Variants in DENND1B observed in about 807,000 individuals in gnomAD.
The protein encoded by DENND1B is DENN domain-containing protein 1B.
A neutral mutation model predicts 90.1 loss-of-function variants in DENND1B; 59 were observed. That is an observed-to-expected ratio of 0.65 (90% CI 0.53 to 0.81). DENND1B has a LOEUF of 0.81. DENND1B is among the 40% of genes least tolerant of loss of function. DENND1B has a pLI of 0.00. For synonymous variants in DENND1B, 337 were observed against 324.6 expected, an observed-to-expected ratio of 1.04 and a Z score of -0.41; for missense variants, 862 against 912.6, an observed-to-expected ratio of 0.94 and a Z score of 0.71.
At chr1:197,565,528 G>A (rs529857323) in intron 15 of DENND1B, among the ~76,000 whole-genome samples, 3 of 150,074 alleles carry the variant, frequency 2.0e-5, no homozygotes, top group African/African-American at 4.9e-5. Context: ...TAGGGTACAT[G>A]TGCACAATGT....
At chr1:197,751,633 C>A (rs550359114) in intron 2 of DENND1B, among the ~76,000 whole-genome samples, 1 of 152,190 alleles carries the variant, frequency 6.6e-6, no homozygotes, top group Admixed American at 6.5e-5. Flanking sequence ...CACTTGAGGT[C>A]AGGAGTTCGA....
At chr1:197,689,761 A>T (rs574634404) in intron 3 of DENND1B, 1 of 152,374 alleles carries the variant, frequency 6.6e-6, no homozygotes, top group East Asian at 1.9e-4. Flanking sequence ...ATTCAACAAA[A>T]CTTAAGGAGT....
At chr1:197,728,558 C>CTGA (rs1276728907) in intron 2 of DENND1B, among the ~76,000 whole-genome samples, 1 of 152,092 alleles carries the variant, frequency 6.6e-6, no homozygotes. Context: ...AGCCTTCACA[C>CTGA]GCCTTCATCC....
At chr1:197,732,763 A>T (rs1408072440) in intron 2 of DENND1B, among the ~76,000 whole-genome samples, 1 of 152,188 alleles carries the variant, frequency 6.6e-6, no homozygotes, top group Non-Finnish European at 1.5e-5. Context: ...AAGCAGACAG[A>T]TGACACAGTT....
At chr1:197,561,704 A>G (rs1208585146) in intron 15 of DENND1B, among the ~76,000 whole-genome samples, 1 of 151,872 alleles carries the variant, frequency 6.6e-6, no homozygotes, top group Non-Finnish European at 1.5e-5. Flanking sequence ...CTTCTTGACG[A>G]AATCATCTTC....
At chr1:197,744,712 C>A (rs1028885859) in intron 2 of DENND1B, among the ~76,000 whole-genome samples, 1 of 152,178 alleles carries the variant, frequency 6.6e-6, no homozygotes, top group South Asian at 2.1e-4. Flanking sequence ...TAGCCCATAA[C>A]AAGAGTCAGC....
chr1:197,749,371 C>T (rs1167481022), intron 2 of DENND1B, among the ~76,000 whole-genome samples: 2 of 150,582 alleles, frequency 1.3e-5, no homozygotes, highest in Non-Finnish European at 3.0e-5. Context: ...TTTTGAAAAC[C>T]ACAATAAAAA....
Position 197,675,186 on chromosome 1 carries a change from C to T in DENND1B, c.127-1017G>A, listed in dbSNP as rs181115419. On this transcript the variant is annotated intron_variant, in intron 3 of 22. Transcript: ENST00000620048. ...AATATCTTAATGCAGCAGTCATCCTCACTGAACAATATTTTTGCTACCACT... is the reference window on the plus strand; with the variant it reads ...AATATCTTAATGCAGCAGTCATCCTTACTGAACAATATTTTTGCTACCACT... 1.2e-4 allele frequency among the ~76,000 whole-genome samples: 18 copies of T among 152,188 alleles called. No individual in the cohort carries two copies. The East Asian group carries it at 3.3e-3, about 28-fold the overall frequency.
intron 3 of DENND1B, among the ~76,000 whole-genome samples, chr1:197,693,876 T>C (rs1367297274): frequency 6.6e-6 from 1 of 151,500 alleles, no homozygotes; most frequent in Non-Finnish European, 1.5e-5. Flanking sequence ...CATTAAGCCT[T>C]ATAACAATAA....
intron 2 of DENND1B, among the ~76,000 whole-genome samples, chr1:197,741,675 G>T (rs1663227753): frequency 1.3e-5 from 2 of 151,960 alleles, no homozygotes; most frequent in Non-Finnish European, 2.9e-5. Context: ...TAAAACATTG[G>T]TATCTATACA....
At chr1:197,611,849 G>T in intron 12 of DENND1B, 82 bp downstream of exon 12, 1 of 1,235,324 alleles carries the variant, frequency 8.1e-7, no homozygotes, top group Non-Finnish European at 1.2e-6. Context: ...CTATACCACT[G>T]ATATTTCTTC....
intron 7 of DENND1B, among the ~76,000 whole-genome samples, chr1:197,651,583 G>T (rs1298241156): frequency 6.7e-6 from 1 of 148,780 alleles, no homozygotes; most frequent in Admixed American, 6.7e-5. Context: ...TTTTAGGAGG[G>T]TTATTAAGCA....
At chr1:197,554,577 C>A (rs142407155) in intron 15 of DENND1B, among the ~76,000 whole-genome samples, 1 of 151,908 alleles carries the variant, frequency 6.6e-6, no homozygotes, top group Non-Finnish European at 1.5e-5. Context: ...TGGTGGCTCA[C>A]GCCTGTAATA....
intron 5 of DENND1B, among the ~76,000 whole-genome samples, chr1:197,663,089 T>C (rs1255221490): frequency 4.6e-5 from 7 of 152,104 alleles, no homozygotes; most frequent in Admixed American, 4.6e-4. Flanking sequence ...ACACCAATTA[T>C]TTATCAACAT....
At chr1:197,554,191 G>A (rs1671504596) in intron 15 of DENND1B, among the ~76,000 whole-genome samples, 2 of 151,262 alleles carry the variant, frequency 1.3e-5, no homozygotes, top group Non-Finnish European at 2.9e-5. Flanking sequence ...TTGTTGATTT[G>A]TGGCACCTAG....
intron 3 of DENND1B, among the ~76,000 whole-genome samples, chr1:197,690,858 C>A (rs1365148086): frequency 8.8e-6 from 1 of 113,262 alleles, no homozygotes; most frequent in Non-Finnish European, 1.9e-5. Context: ...ATAATTACTT[C>A]TTAATGGAAA....
intron 5 of DENND1B, among the ~76,000 whole-genome samples, chr1:197,670,721 T>C (rs571044036): frequency 4.5e-4 from 69 of 152,098 alleles, no homozygotes; most frequent in African/African-American, 1.3e-3. Flanking sequence ...CATAAAGATA[T>C]ACTCCCCTTT....
intron 15 of DENND1B, among the ~76,000 whole-genome samples, chr1:197,561,036 AT>A (rs1467366033): frequency 6.6e-6 from 1 of 151,780 alleles, no homozygotes; most frequent in Non-Finnish European, 1.5e-5. Context: ...TTCTCTAACA[AT>A]TTTTCCTTCT....
At chr1:197,669,706 T>C (rs1418048976) in intron 5 of DENND1B, among the ~76,000 whole-genome samples, 1 of 152,118 alleles carries the variant, frequency 6.6e-6, no homozygotes, top group African/African-American at 2.4e-5. Flanking sequence ...TTTCTAAATT[T>C]AAGATTTTCC....
Sources: allele counts gnomAD v4.1 joint callset (sites outside exome capture counted in the v4.1 genomes callset), GRCh38; gene constraint gnomAD v4.1.1; transcripts MANE v1.5; gene names NCBI Gene and HGNC (gene_info 2026-07-23, HGNC 2026-07-21).